The following NTRK1 variants were observed in gnomAD, a reference collection of about 807,000 sequenced individuals.
The protein encoded by NTRK1 is high affinity nerve growth factor receptor.
NTRK1 carries 62 observed loss-of-function variants against 86.8 expected under a neutral mutation model. The ratio of observed to expected loss-of-function variants is 0.71; its 90% confidence interval spans 0.58 to 0.88. NTRK1 has a LOEUF of 0.88. NTRK1 is among the 40% of genes least tolerant of loss of function. The pLI is 0.00. For missense variants in NTRK1, 967 were observed against 1,078.4 expected, an observed-to-expected ratio of 0.90 and a Z score of 1.45; for synonymous variants, 469 against 456.6, an observed-to-expected ratio of 1.03 and a Z score of -0.35.
chr1:156,845,541 A>AACCCC, intron 2 of NTRK1: 136 of 1,288,108 alleles, frequency 1.1e-4, no homozygotes, highest in Non-Finnish European at 1.3e-4. Context: ...CCACCCACAA[A>AACCCC]CCCCACCCCT....
intron 2 of NTRK1, among the ~76,000 whole-genome samples, chr1:156,850,264 T>C (rs1323482033): frequency 4.6e-5 from 7 of 152,058 alleles, no homozygotes; most frequent in African/African-American, 1.4e-4. Context: ...CAGGCTGCAG[T>C]GTAGTGGCAC....
chr1:156,842,421 G>A (rs201715497), intron 2 of NTRK1: 40 of 1,613,924 alleles, frequency 2.5e-5, no homozygotes, highest in Non-Finnish European at 1.3e-5. Flanking sequence ...CGCAAAGATC[G>A]AAGATGGCTC....
At chr1:156,853,659 G>T in intron 2 of NTRK1, 1 of 1,244,596 alleles carries the variant, frequency 8.0e-7, no homozygotes, top group Non-Finnish European at 1.1e-6. Flanking sequence ...AGTGGCAGCT[G>T]AAAGTACTGA....
chr1:156,867,579 C>T (rs953289964), intron 4 of NTRK1, among the ~76,000 whole-genome samples: 4 of 152,188 alleles, frequency 2.6e-5, no homozygotes, highest in South Asian at 2.1e-4. Context: ...AGCCATCCTC[C>T]GCCTCGGCCT....
In NTRK1 at chr1:156,826,541, G is replaced by A. The variant is rs555222798; in HGVS notation, c.-64+10703G>A. 6.6e-5 allele frequency among the ~76,000 whole-genome samples: 10 copies of A among 151,954 alleles called. 1 individual carries two copies. The highest frequency in any genetic ancestry group is 4.2e-4 in the South Asian group (2 of 4,786). On this transcript the variant is annotated intron_variant, in intron 1 of 16. Transcript: ENST00000392302. The stretch of plus-strand genomic sequence containing the variant: ...CCTGACCTCGTGATCCGCCCGCCTC[G>A]GCCTCCCAAAGTGCTGGGATTACAG...
At chr1:156,821,768 T>A (rs1654197829) in intron 1 of NTRK1, among the ~76,000 whole-genome samples, 1 of 152,184 alleles carries the variant, frequency 6.6e-6, no homozygotes, top group South Asian at 2.1e-4. Flanking sequence ...AAATCACACG[T>A]TGGAGTAATC....
intron 1 of NTRK1, among the ~76,000 whole-genome samples, chr1:156,819,364 A>G (rs867774600): frequency 4.6e-5 from 7 of 152,202 alleles, no homozygotes; most frequent in Middle Eastern, 6.8e-3. Context: ...ATAAGGTGGT[A>G]TCTCATTGTG....
intron 2 of NTRK1, chr1:156,849,141 TGAG>T: frequency 2.5e-6 from 4 of 1,598,734 alleles, no homozygotes; most frequent in Non-Finnish European, 3.4e-6. Flanking sequence ...GTGAGACCTC[TGAG>T]GAGAACTTCT....
At chr1:156,817,522 G>A (rs1306932646) in intron 1 of NTRK1, among the ~76,000 whole-genome samples, 3 of 152,056 alleles carry the variant, frequency 2.0e-5, no homozygotes, top group Non-Finnish European at 4.4e-5. Context: ...AGATAATGGA[G>A]CTGAGTTAGG....
intron 1 of NTRK1, among the ~76,000 whole-genome samples, chr1:156,826,293 C>CTTTTTTTTTTTT (rs386368405): frequency 1.1e-5 from 1 of 88,436 alleles, no homozygotes; most frequent in Non-Finnish European, 2.1e-5. Flanking sequence ...GACTTGAGCT[C>CTTTTTTTTTTTT]TTTTTTTTTT....
chr1:156,847,681 G>T (rs1334206463), intron 2 of NTRK1, among the ~76,000 whole-genome samples: 1 of 151,982 alleles, frequency 6.6e-6, no homozygotes, highest in Non-Finnish European at 1.5e-5. Context: ...GGGGGTGGGG[G>T]CTCATAGTGG....
chr1:156,875,633 A>G lies in NTRK1; in HGVS notation c.1468A>G (p.Ile490Val), dbSNP rs1280902177. The G allele has an allele frequency of 3.7e-6, 6 of 1,613,444 alleles. No individual in the cohort carries two copies. The highest frequency in any genetic ancestry group is 4.2e-6 in the Non-Finnish European group (5 of 1,179,918). Residue 490 changes from isoleucine to valine, a missense_variant, in exon 12 of 17, where the codon ATC (isoleucine) becomes GTC (valine). Ile to Val is a conservative substitution (Grantham distance 29). This residue lies in a region of NTRK1 where 637 missense variants were observed against 776.5 expected (regional missense o/e 0.82). Transcript: ENST00000524377. ...CAAAGGCTCTGGGCTCCAAGGCCAC[A>G]TCATCGAGAACCCACAATACTTCAG... is the stretch of plus-strand genomic sequence containing the variant. ...EGKGSGLQGH[I>V]IENPQYFSDA... is the part of the protein sequence containing the mutation.
chr1:156,862,669 C>T (rs941952562), intron 1 of NTRK1, among the ~76,000 whole-genome samples: 8 of 152,100 alleles, frequency 5.3e-5, no homozygotes, highest in African/African-American at 1.9e-4. Context: ...CTCGAATAGA[C>T]AGATTGATTA....
rs368851308 is a variant in NTRK1, at chr1:156,846,745, G to A, written c.50+4552G>A. On this transcript the variant is annotated intron_variant, in intron 2 of 16. Transcript: ENST00000392302. ...CATCTGGACCCACGTGCTCTGTGGC[G>A]TTCTGGAATGGGCTGAACACCCATC... is the stretch of plus-strand genomic sequence containing the variant. The A allele has an allele frequency of 4.1e-5, 66 of 1,613,818 alleles. No individual in the cohort carries two copies. In the East Asian group the frequency reaches 5.8e-4, roughly 14 times the overall value.
At chr1:156,861,252 G>A in intron 1 of NTRK1, 106 bp downstream of exon 1, 1 of 1,333,696 alleles carries the variant, frequency 7.5e-7, no homozygotes, top group Non-Finnish European at 1.0e-6. Flanking sequence ...GACGAGCACG[G>A]CGGAAGGCTG....
At chr1:156,848,241 T>TA (rs1655079291) in intron 2 of NTRK1, among the ~76,000 whole-genome samples, 1 of 152,088 alleles carries the variant, frequency 6.6e-6, no homozygotes, top group African/African-American at 2.4e-5. Flanking sequence ...AGCTAAGTCC[T>TA]CTCCATTTTA....
chr1:156,823,949 C>T (rs1233874431), intron 1 of NTRK1, among the ~76,000 whole-genome samples: 2 of 152,178 alleles, frequency 1.3e-5, no homozygotes, highest in East Asian at 1.9e-4. Flanking sequence ...AAGATCTGCA[C>T]CCTGTGTGCA....
intron 1 of NTRK1, among the ~76,000 whole-genome samples, chr1:156,825,214 A>T (rs4661222): frequency 0.17 from 25,800 of 152,018 alleles, 3,812 homozygotes; most frequent in African/African-American, 0.4. Context: ...TTATCCTGGG[A>T]CTCACTTGAA....
In NTRK1 at chr1:156,861,107, G is replaced by A. The variant is rs750159449; in HGVS notation, c.173G>A (p.Ser58Asn). 2 of 1,584,978 alleles carry A rather than the reference G, an allele frequency of 1.3e-6. No individual in the cohort carries two copies. Among genetic ancestry groups the A allele is most frequent in the Non-Finnish European group, 1.7e-6 (2 of 1,169,590 alleles). Residue 58 changes from serine to asparagine, a missense_variant, in exon 1 of 17, where the codon AGC becomes AAC. This residue lies in a region of NTRK1 where 330 missense variants were observed against 302.0 expected (regional missense o/e 1.09). Transcript: ENST00000524377. ...TGCACCCGGGATGGGGCCCTGGATA[G>A]CCTCCACCACCTGCCCGGCGCAGAG... The part of the protein sequence containing the change: ...LRCTRDGALD[S>N]LHHLPGAENL...
Sources: gnomAD v4.1 joint callset for allele counts (sites outside exome capture counted in the v4.1 genomes callset) on GRCh38, gnomAD v4.1.1 for gene constraint, gnomAD v4.1.1 regional missense constraint, MANE v1.5 for transcripts, NCBI Gene and HGNC (gene_info 2026-07-23, HGNC 2026-07-21) for gene names.